TF: variants seen among roughly 807,000 people sequenced by gnomAD.
TF encodes the protein serotransferrin.
A neutral mutation model predicts 82.4 loss-of-function variants in TF; 55 were observed. That is an observed-to-expected ratio of 0.67 (90% confidence interval 0.54 to 0.84). The LOEUF (loss-of-function observed/expected upper bound fraction) is 0.84, where lower values mean the gene tolerates loss of function less well. Ranked by LOEUF, TF falls within the 40% of genes least tolerant of loss-of-function variation. TF has a pLI of 0.00. For synonymous variants in TF, 332 were observed against 332.6 expected (o/e 1.00, Z 0.02); for missense variants, 737 against 868.4 (o/e 0.85, Z 1.90).
At chr3:133,665,520 G>C in the TF span, among the ~76,000 whole-genome samples, 1 of 151,850 alleles carries the variant, frequency 6.6e-6, no homozygotes, top group Non-Finnish European at 1.5e-5. Context: ...TTGGGGTAGG[G>C]AATTAACTTT....
Position 133,770,389 on chromosome 3 carries a change from T to C in TF, c.1623-119T>C. 3.5e-6 allele frequency: 3 copies of C among 864,362 alleles called. 1 individual carries two copies. In the South Asian group the frequency reaches 4.0e-5, roughly 12 times the overall value. The allele number at this position is 864,362 out of a possible 1,614,324, so 53.5% of individuals were successfully genotyped here. ...TTCCTTACATTGCTTACTGTTAGAA[T>C]GGAAGTTACAGTTGCTGTTTTCAGA... On this transcript the variant is annotated intron_variant, in intron 13 of 16. Coordinates refer to ENST00000402696, the MANE Select transcript of TF (RefSeq NM_001063.4).
the TF span, among the ~76,000 whole-genome samples, chr3:133,701,728 AG>A: frequency 5.9e-5 from 9 of 152,198 alleles, no homozygotes; most frequent in African/African-American, 1.9e-4. Context: ...GGTCAGGAGC[AG>A]GGGGAAGCTC....
the TF span, among the ~76,000 whole-genome samples, chr3:133,735,050 CTGAG>C: frequency 4.6e-5 from 7 of 152,226 alleles, no homozygotes; most frequent in East Asian, 1.2e-3. Context: ...GCTATATTGA[CTGAG>C]TATTAGATGA....
At chr3:133,699,078 C>A in the TF span, among the ~76,000 whole-genome samples, 1 of 152,260 alleles carries the variant, frequency 6.6e-6, no homozygotes, top group Non-Finnish European at 1.5e-5. Context: ...AATCATATTA[C>A]TGGCCTCTCC....
chr3:133,715,756 A>C, the TF span, among the ~76,000 whole-genome samples: 121 of 152,280 alleles, frequency 7.9e-4, no homozygotes, highest in African/African-American at 2.9e-3. Context: ...TGATCTACAG[A>C]AAATATACCT....
In TF at chr3:133,766,387, C is replaced by T. The variant is rs1430952791; in HGVS notation, c.1440C>T (p.Asn480=). The change falls in exon 12 of 17, where the codon AAC becomes AAT. Residue 480 remains asparagine, a synonymous_variant. Transcript: ENST00000402696. ...CAGTTGGCAGAACCGCTGGCTGGAA[C>T]ATCCCCATGGGCCTGCTCTACAATA... ...HTAVGRTAGW[N]IPMGLLYNKI... The T allele has an allele frequency of 1.5e-5, 25 of 1,614,104 alleles. No homozygotes were observed. The highest frequency in any genetic ancestry group is 1.9e-5 in the Non-Finnish European group (23 of 1,180,034).
chr3:133,686,925 G>C, the TF span, among the ~76,000 whole-genome samples: 1 of 152,228 alleles, frequency 6.6e-6, no homozygotes, highest in Non-Finnish European at 1.5e-5. Flanking sequence ...ATTCACAATA[G>C]CAAAGACTTG....
In TF at chr3:133,791,939, A is replaced by T. The variant is rs1015844097; in HGVS notation, c.*13319A>T. ...AAAAGTAAAAAATGTAATGCCTTCT[A>T]TTTACTTCATGTAACTTAAGTAATC... On this transcript the variant is annotated 3_prime_UTR_variant, in exon 17 of 17. Coordinates refer to ENST00000402696, the MANE Select transcript of TF (RefSeq NM_001063.4). 6.6e-6 allele frequency: 1 copy of T among 152,208 alleles called. No individual in the cohort carries two copies. The highest frequency in any genetic ancestry group is 1.5e-5 in the Non-Finnish European group (1 of 68,030). The allele number at this position is 152,208 out of a possible 1,614,324, so 9.4% of individuals were successfully genotyped here. A position where few individuals can be genotyped will look rare whatever the true frequency, so the allele number is the denominator to read the frequency against.
upstream of TF, among the ~76,000 whole-genome samples, chr3:133,742,313 C>A (rs1933407596): frequency 6.6e-6 from 1 of 152,146 alleles, no homozygotes; most frequent in Non-Finnish European, 1.5e-5. Flanking sequence ...GGAATTCATT[C>A]CACCTGGCCC....
At chr3:133,761,906 TGA>T (rs1443097441) in intron 9 of TF, 3 of 162,276 alleles carry the variant, frequency 1.8e-5, no homozygotes, top group African/African-American at 7.2e-5. Context: ...TAGTTTGCTG[TGA>T]AATTAAATTA....
At chr3:133,775,735 C>T (rs1230163286) in intron 15 of TF, 118 bp downstream of exon 15, 22 of 1,047,830 alleles carry the variant, frequency 2.1e-5, no homozygotes, top group Non-Finnish European at 3.2e-5. Context: ...AACTAGAATT[C>T]CATGCATTGT....
the TF span, among the ~76,000 whole-genome samples, chr3:133,685,788 A>C: frequency 6.6e-6 from 1 of 152,234 alleles, no homozygotes; most frequent in Non-Finnish European, 1.5e-5. Flanking sequence ...GGTAATTTAT[A>C]GATTCAATGC....
chr3:133,663,730 G>C, the TF span, among the ~76,000 whole-genome samples: 1 of 152,172 alleles, frequency 6.6e-6, no homozygotes, highest in African/African-American at 2.4e-5. Context: ...CTGCTCCTGG[G>C]CACGTGCTGT....
the TF span, among the ~76,000 whole-genome samples, chr3:133,729,930 T>C: frequency 9.5e-4 from 145 of 152,340 alleles, no homozygotes; most frequent in East Asian, 0.027. Flanking sequence ...TGATCTTCCT[T>C]AAGATCAATA....
chr3:133,728,507 G>T, the TF span, among the ~76,000 whole-genome samples: 4 of 152,092 alleles, frequency 2.6e-5, no homozygotes, highest in East Asian at 1.9e-4. Flanking sequence ...AGCTCCATCA[G>T]CTCCTTTAAG....
At chr3:133,744,621 G>A (rs1468358505), upstream of TF, among the ~76,000 whole-genome samples, 1 of 152,190 alleles carries the variant, frequency 6.6e-6, no homozygotes, top group East Asian at 1.9e-4. Context: ...CCGTGGACGG[G>A]CAAGGGGGGA....
In TF at chr3:133,796,000, A is replaced by T. The variant is rs1044867120; in HGVS notation, c.*17380A>T. On this transcript the variant is annotated 3_prime_UTR_variant, in exon 17 of 17. Transcript: ENST00000402696. ...TCACGTATGCCAAGACCTTAAGGAA[A>T]CACATAGATCCTAGAACAGACCACA... 6 of 152,326 alleles carry T rather than the reference A, an allele frequency of 3.9e-5. No homozygotes were observed. Among genetic ancestry groups the T allele is most frequent in the Non-Finnish European group, 8.8e-5 (6 of 68,088 alleles). 9.4% of individuals were successfully genotyped at this position (152,326 alleles called of 1,614,324 possible). A position where few individuals can be genotyped will look rare whatever the true frequency, so the allele number is the denominator to read the frequency against.
chr3:133,716,235 C>G, the TF span, among the ~76,000 whole-genome samples: 1 of 152,146 alleles, frequency 6.6e-6, no homozygotes, highest in African/African-American at 2.4e-5. Context: ...CATTCTAGTT[C>G]TGACATTTTC....
At chr3:133,678,926 G>A in the TF span, among the ~76,000 whole-genome samples, 1 of 152,078 alleles carries the variant, frequency 6.6e-6, no homozygotes, top group South Asian at 2.1e-4. Context: ...AGGCTGGAGT[G>A]CAGTGACATG....
Sources: gnomAD v4.1 joint callset for allele counts (sites outside exome capture counted in the v4.1 genomes callset) on GRCh38, gnomAD v4.1.1 for gene constraint, MANE v1.5 for transcripts, NCBI Gene and HGNC (gene_info 2026-07-23, HGNC 2026-07-21) for gene names.